Variants in PTPRO observed in about 807,000 individuals in gnomAD.
The protein encoded by PTPRO is receptor-type tyrosine-protein phosphatase O.
A neutral mutation model predicts 145.2 loss-of-function variants in PTPRO; 62 were observed. The observed-to-expected ratio is 0.43, with a 90% CI of 0.35 to 0.53. PTPRO has a LOEUF of 0.53. Ranked by LOEUF, PTPRO falls within the 20% of genes least tolerant of loss-of-function variation. The probability of loss-of-function intolerance (pLI) is 0.01; values close to 1 mark genes in which losing one functional copy is unlikely to be tolerated. For missense variants in PTPRO, 1,345 were observed against 1,482.7 expected, an observed-to-expected ratio of 0.91 and a Z score of 1.53; for synonymous variants, 565 against 514.7, an observed-to-expected ratio of 1.10 and a Z score of -1.32.
chr12:15,591,024 C>T (rs1944539565), intron 25 of PTPRO, among the ~76,000 whole-genome samples: 1 of 152,166 alleles, frequency 6.6e-6, no homozygotes, highest in South Asian at 2.1e-4. Flanking sequence ...AAGTATTTTG[C>T]ATTTAATGAA....
At chr12:15,516,738 C>G in intron 8 of PTPRO, 25 bp from the exon 9 acceptor site, 2 of 1,567,764 alleles carry the variant, frequency 1.3e-6, no homozygotes, top group Non-Finnish European at 1.8e-6. Context: ...CTTTCTTTTT[C>G]TACCCCCTGC....
intron 1 of PTPRO, among the ~76,000 whole-genome samples, chr12:15,472,456 A>C (rs1245074974): frequency 1.3e-5 from 2 of 152,086 alleles, no homozygotes; most frequent in Admixed American, 6.5e-5. Context: ...GGTCACCAGC[A>C]CTCTATTCTG....
At chr12:15,369,800 C>T (rs1342473701) in intron 1 of PTPRO, among the ~76,000 whole-genome samples, 1 of 152,136 alleles carries the variant, frequency 6.6e-6, no homozygotes, top group Non-Finnish European at 1.5e-5. Flanking sequence ...GCCTGTAATT[C>T]CAACACTTTG....
chr12:15,518,282 A>C (rs150560992), intron 9 of PTPRO, among the ~76,000 whole-genome samples: 20 of 152,184 alleles, frequency 1.3e-4, no homozygotes, highest in African/African-American at 4.1e-4. Context: ...CCTTTCACCC[A>C]CAGCTGCAGC....
intron 1 of PTPRO, among the ~76,000 whole-genome samples, chr12:15,391,293 G>A (rs1939184230): frequency 6.6e-6 from 1 of 152,110 alleles, no homozygotes; most frequent in African/African-American, 2.4e-5. Context: ...GTTATTATTG[G>A]AACAAATTCC....
chr12:15,379,279 G>C (rs1275284922), intron 1 of PTPRO, among the ~76,000 whole-genome samples: 1 of 151,662 alleles, frequency 6.6e-6, no homozygotes, highest in Non-Finnish European at 1.5e-5. Flanking sequence ...CAGCACTTTG[G>C]AGGCAGAGAT....
intron 12 of PTPRO, among the ~76,000 whole-genome samples, chr12:15,537,422 A>G (rs1943087228): frequency 6.6e-6 from 1 of 152,176 alleles, no homozygotes; most frequent in South Asian, 2.1e-4. Flanking sequence ...AGCAAGAAAG[A>G]GCACAGAAAA....
At chr12:15,412,329 C>CT (rs1453158333) in intron 1 of PTPRO, among the ~76,000 whole-genome samples, 3 of 152,112 alleles carry the variant, frequency 2.0e-5, no homozygotes, top group Admixed American at 2.0e-4. Flanking sequence ...AAATAAAATT[C>CT]TTTTTTATTA....
chr12:15,448,338 G>GGAAAAAAAA (rs1565635275), intron 1 of PTPRO, among the ~76,000 whole-genome samples: 1 of 3,864 alleles, frequency 2.6e-4, no homozygotes, highest in African/African-American at 3.1e-4. Context: ...CCTGTTCCTA[G>GGAAAAAAAA]TAAAAAAAAA....
chr12:15,504,617 GC>G (rs1322772919), intron 6 of PTPRO, among the ~76,000 whole-genome samples: 3 of 152,160 alleles, frequency 2.0e-5, no homozygotes, highest in East Asian at 1.9e-4. Context: ...GCAAAAGCTA[GC>G]CTCTGAAGGT....
At chr12:15,547,939 A>C (rs1229647024) in intron 13 of PTPRO, among the ~76,000 whole-genome samples, 1 of 152,202 alleles carries the variant, frequency 6.6e-6, no homozygotes, top group East Asian at 1.9e-4. Flanking sequence ...ACTTGTCACT[A>C]GTCTGGCCAT....
In PTPRO at chr12:15,322,587, G is replaced by C. The variant is rs562875174; in HGVS notation, c.-140G>C. ...GGAGGAAAGGGAGCAGGCGCAGGGG[G>C]ACTGGAAAGGCAGCATGCGCTCGCC... On this transcript the variant is annotated 5_prime_UTR_variant, in exon 1 of 27. Transcript: ENST00000281171. This position sits in a 1 kb window ranked among gnomAD's most constrained non-coding sequence, Gnocchi z 6.3. The C allele has an allele frequency of 1.4e-6, 1 of 728,870 alleles. No individual in the cohort carries two copies. Among genetic ancestry groups the C allele is most frequent in the Non-Finnish European group, 2.5e-6 (1 of 405,088 alleles). 45.2% of individuals were successfully genotyped at this position (728,870 alleles called of 1,614,324 possible). A position where few individuals can be genotyped will look rare whatever the true frequency, so the allele number is the denominator to read the frequency against.
intron 1 of PTPRO, among the ~76,000 whole-genome samples, chr12:15,478,770 C>A (rs1279320191): frequency 6.6e-6 from 1 of 152,060 alleles, no homozygotes; most frequent in Non-Finnish European, 1.5e-5. Flanking sequence ...CTCCCAGGTT[C>A]ACCCCATTCT....
intron 1 of PTPRO, among the ~76,000 whole-genome samples, chr12:15,436,461 G>C (rs574841090): frequency 5.3e-5 from 8 of 152,326 alleles, no homozygotes; most frequent in Non-Finnish European, 8.8e-5. Context: ...GCATCCAGTT[G>C]ATAAAAGTGA....
intron 1 of PTPRO, among the ~76,000 whole-genome samples, chr12:15,361,608 C>T (rs1203793641): frequency 6.6e-6 from 1 of 152,002 alleles, no homozygotes; most frequent in African/African-American, 2.4e-5. Flanking sequence ...CCTGATCTGT[C>T]AAATAAATGT....
chr12:15,537,428 GAA>G (rs1240419348), intron 12 of PTPRO, among the ~76,000 whole-genome samples: 1 of 152,188 alleles, frequency 6.6e-6, no homozygotes, highest in Non-Finnish European at 1.5e-5. Context: ...AAAGAGCACA[GAA>G]AAGTGTCCTG....
chr12:15,523,779 GT>G (rs1942777745), intron 10 of PTPRO, among the ~76,000 whole-genome samples: 1 of 151,316 alleles, frequency 6.6e-6, no homozygotes, highest in Non-Finnish European at 1.5e-5. Context: ...TGCCTCAAAA[GT>G]AAAAATAAAA....
At chr12:15,357,101 A>G (rs1237316936) in intron 1 of PTPRO, among the ~76,000 whole-genome samples, 1 of 152,234 alleles carries the variant, frequency 6.6e-6, no homozygotes, top group African/African-American at 2.4e-5. Context: ...TGCTGCTTCA[A>G]GTAATTCGGT....
chr12:15,392,740 A>AG (rs1939224187), intron 1 of PTPRO, among the ~76,000 whole-genome samples: 2 of 149,432 alleles, frequency 1.3e-5, no homozygotes, highest in East Asian at 4.0e-4. Context: ...AAAAAAAAAA[A>AG]AAGAAGAAAA....
Sources: allele counts gnomAD v4.1 joint callset (sites outside exome capture counted in the v4.1 genomes callset), GRCh38; gene constraint gnomAD v4.1.1; non-coding constraint Gnocchi (gnomAD v3.1); transcripts MANE v1.5; gene names NCBI Gene and HGNC (gene_info 2026-07-23, HGNC 2026-07-21).